The following TUT4 variants were observed in gnomAD, a reference collection of about 807,000 sequenced individuals.
The protein encoded by TUT4 is terminal uridylyltransferase 4.
TUT4 carries 36 observed loss-of-function variants against 192.2 expected under a neutral mutation model. That is an observed-to-expected ratio of 0.19 (90% confidence interval 0.14 to 0.25). The LOEUF (loss-of-function observed/expected upper bound fraction) is 0.25. TUT4 is among the 10% of genes least tolerant of loss of function. The pLI, the probability that TUT4 is intolerant of heterozygous loss-of-function variation, is 1.00. For missense variants in TUT4, 1,493 were observed against 1,957.2 expected (o/e 0.76, Z 4.47); for synonymous variants, 618 against 666.0 (o/e 0.93, Z 1.11).
At chr1:52,459,814 G>A (rs1216441792) in intron 19 of TUT4, among the ~76,000 whole-genome samples, 1 of 151,652 alleles carries the variant, frequency 6.6e-6, no homozygotes, top group African/African-American at 2.4e-5. Context: ...TCTAGGAGGT[G>A]GAGGTTGCAG....
intron 8 of TUT4, among the ~76,000 whole-genome samples, chr1:52,490,320 ATTT>A (rs1166287875): frequency 6.6e-6 from 1 of 151,620 alleles, no homozygotes; most frequent in African/African-American, 2.4e-5. Context: ...TGCCTGGCTG[ATTT>A]TTTTATTTTT....
At chr1:52,510,317 CAAAAAAAAAAAAAA>C (rs200690805) in intron 3 of TUT4, among the ~76,000 whole-genome samples, 3 of 78,628 alleles carry the variant, frequency 3.8e-5, no homozygotes, top group Admixed American at 1.6e-4. Flanking sequence ...TTCGTATTAA[CAAAAAAAAAAAAAA>C]AAAAAAAAAA....
chr1:52,514,581 T>C (rs1426052258), intron 3 of TUT4, among the ~76,000 whole-genome samples: 1 of 152,224 alleles, frequency 6.6e-6, no homozygotes, highest in Admixed American at 6.5e-5. Flanking sequence ...CTTTCTCTTT[T>C]CATGTGGCGA....
At chr1:52,539,461 A>C (rs569649115) in intron 1 of TUT4, among the ~76,000 whole-genome samples, 1 of 152,204 alleles carries the variant, frequency 6.6e-6, no homozygotes, top group Non-Finnish European at 1.5e-5. Flanking sequence ...AATAGACAGT[A>C]GGTAGTAAAC....
chr1:52,449,419 C>T (rs1036123635), intron 20 of TUT4, among the ~76,000 whole-genome samples: 10 of 152,188 alleles, frequency 6.6e-5, no homozygotes, highest in Non-Finnish European at 1.3e-4. Flanking sequence ...GTGCCTCAGC[C>T]TCCCAAGTAG....
intron 16 of TUT4, 53 bp downstream of exon 16, chr1:52,465,017 G>T: frequency 7.3e-7 from 1 of 1,371,394 alleles, no homozygotes; most frequent in Non-Finnish European, 1.0e-6. Context: ...AATAAACATA[G>T]AATCGTCATT....
chr1:52,458,579 C>G (rs1373346509), intron 19 of TUT4, 130 bp from the exon 20 acceptor site: 1 of 578,208 alleles, frequency 1.7e-6, no homozygotes, highest in Non-Finnish European at 2.9e-6. Context: ...CAAACTGCAC[C>G]GTCTATAATC....
chr1:52,534,063 C>T (rs894443125), intron 1 of TUT4, among the ~76,000 whole-genome samples: 5 of 152,330 alleles, frequency 3.3e-5, no homozygotes, highest in Admixed American at 3.3e-4. Context: ...ATCATAACAT[C>T]CCTGACCTCT....
chr1:52,438,857 G>T (rs1557653258), intron 24 of TUT4, among the ~76,000 whole-genome samples: 2 of 152,266 alleles, frequency 1.3e-5, no homozygotes, highest in East Asian at 3.9e-4. Flanking sequence ...ATCACCTGAG[G>T]TCAGGAGTTC....
intron 7 of TUT4, among the ~76,000 whole-genome samples, chr1:52,491,115 C>T (rs1264413150): frequency 6.6e-6 from 1 of 152,164 alleles, no homozygotes; most frequent in Non-Finnish European, 1.5e-5. Context: ...GTTAAACCTT[C>T]ATAGATAACA....
chr1:52,425,563 A>C, intron 28 of TUT4, 56 bp from the exon 29 acceptor site: 1 of 1,517,336 alleles, frequency 6.6e-7, no homozygotes, highest in East Asian at 2.4e-5. Context: ...ATTCATTGAA[A>C]TATCCCTTCA....
At chr1:52,427,188 A>T (rs1650265813) in intron 28 of TUT4, among the ~76,000 whole-genome samples, 1 of 152,200 alleles carries the variant, frequency 6.6e-6, no homozygotes, top group African/African-American at 2.4e-5. Flanking sequence ...ATTTCAGCAC[A>T]GTAAGACAAA....
chr1:52,530,400 A>G (rs1398432161), intron 1 of TUT4, among the ~76,000 whole-genome samples: 2 of 152,132 alleles, frequency 1.3e-5, no homozygotes, highest in Non-Finnish European at 2.9e-5. Flanking sequence ...GAGATGTTCC[A>G]GTACAGGCAT....
chr1:52,550,528 G>C (rs982422186), intron 1 of TUT4, among the ~76,000 whole-genome samples: 51 of 143,396 alleles, frequency 3.6e-4, no homozygotes, highest in African/African-American at 1.3e-3. Context: ...TTTAAGACAG[G>C]GTCTTACTCT....
chr1:52,449,099 ACT>A (rs1176113876), intron 20 of TUT4, among the ~76,000 whole-genome samples: 1 of 151,246 alleles, frequency 6.6e-6, no homozygotes, highest in African/African-American at 2.4e-5. Flanking sequence ...ACACACACAC[ACT>A]CTCTCTCCCT....
chr1:52,443,916 TTTCA>T (rs764288152), intron 24 of TUT4, among the ~76,000 whole-genome samples: 1 of 152,142 alleles, frequency 6.6e-6, no homozygotes, highest in African/African-American at 2.4e-5. Flanking sequence ...TTGATCTGTT[TTTCA>T]TTGTTTCTAT....
chr1:52,521,965 CA>C lies in TUT4; in HGVS notation c.718+3597del, dbSNP rs1296983916. ...GGGCAAAAGAGCAAGACTCTGTCTC[CA>C]AAAAAAAAGATAATGATCTAGATAT... On this transcript the variant is annotated intron_variant, in intron 2 of 29. Transcript: ENST00000257177. Among the ~76,000 whole-genome samples, 7 of 147,974 alleles carry C rather than the reference CA, an allele frequency of 4.7e-5. No homozygotes were observed. In the South Asian group the frequency reaches 1.1e-3, roughly 23 times the overall value.
chr1:52,511,258 T>C lies in TUT4; in HGVS notation c.883-1546A>G, dbSNP rs568792376. Among the ~76,000 whole-genome samples the C allele has an allele frequency of 1.2e-4, 19 of 152,352 alleles. No individual in the cohort carries two copies. In the South Asian group the frequency reaches 1.7e-3, roughly 13 times the overall value. On this transcript the variant is annotated intron_variant, in intron 3 of 29. Transcript: ENST00000257177. ...GTAAATAAGAAAAGTTGGCTCAATC[T>C]AGTTATTTCAATTCTCTAGCATAAA...
chr1:52,547,410 C>A (rs910179667), intron 1 of TUT4, among the ~76,000 whole-genome samples: 9 of 151,690 alleles, frequency 5.9e-5, no homozygotes, highest in Admixed American at 5.3e-4. Flanking sequence ...GAAATTGGAA[C>A]CTTCCATACA....
Sources: gnomAD v4.1 joint callset for allele counts (sites outside exome capture counted in the v4.1 genomes callset) on GRCh38, gnomAD v4.1.1 for gene constraint, MANE v1.5 for transcripts, NCBI Gene and HGNC (gene_info 2026-07-23, HGNC 2026-07-21) for gene names.